Variants in ELOVL6 observed in about 807,000 individuals in gnomAD.
The protein encoded by ELOVL6 is ELOVL fatty acid elongase 6, also known as very long chain fatty acid elongase 6.
Under a neutral mutation model 31.7 loss-of-function variants are expected in ELOVL6, and 8 were observed. That is an observed-to-expected ratio of 0.25 (90% confidence interval 0.15 to 0.45). The LOEUF (loss-of-function observed/expected upper bound fraction) is 0.45, where lower values mean the gene tolerates loss of function less well. Ranked by LOEUF, ELOVL6 falls within the 20% of genes least tolerant of loss-of-function variation. The pLI is 1.00. For missense variants in ELOVL6, 126 were observed against 326.4 expected (o/e 0.39, Z 4.73); for synonymous variants, 101 against 117.7 (o/e 0.86, Z 0.92).
chr4:110,166,387 T>G (rs1280524485), intron 1 of ELOVL6, among the ~76,000 whole-genome samples: 1 of 152,022 alleles, frequency 6.6e-6, no homozygotes, highest in African/African-American at 2.4e-5. Context: ...CCAAGGCAGG[T>G]GGATCACGAG....
intron 1 of ELOVL6, among the ~76,000 whole-genome samples, chr4:110,120,980 T>C (rs1757340202): frequency 6.6e-6 from 1 of 152,054 alleles, no homozygotes; most frequent in South Asian, 2.1e-4. Flanking sequence ...TTCGTATTTT[T>C]AGTAGAGACA....
chr4:110,114,302 A>G (rs1757116594), intron 1 of ELOVL6, among the ~76,000 whole-genome samples: 1 of 152,116 alleles, frequency 6.6e-6, no homozygotes. Context: ...TTACACAAAT[A>G]CAATTATGGG....
At position 110,059,685 on chromosome 4, in the gene ELOVL6, T is replaced by G. The variant is rs376849709; in HGVS notation, c.291A>C (p.Ser97=). 3.1e-6 allele frequency: 5 copies of G among 1,614,022 alleles called. No homozygotes were observed. The African/African-American group carries it at 6.7e-5, about 22-fold the overall frequency. The change falls in exon 3 of 4, where the codon TCA becomes TCC. Residue 97 remains serine, a synonymous_variant. Transcript: ENST00000302274. ...YILMTKGLKQ[S]VCDQGFYNGP... ...CATTGTAAAAACCCTGGTCACAAACTGACTGCTTCAGGCCTTTGGTCATCA... is the reference window on the plus strand; with the variant it reads ...CATTGTAAAAACCCTGGTCACAAACGGACTGCTTCAGGCCTTTGGTCATCA...
At chr4:110,169,171 T>C (rs1485296335) in intron 1 of ELOVL6, among the ~76,000 whole-genome samples, 3 of 150,906 alleles carry the variant, frequency 2.0e-5, no homozygotes, top group Non-Finnish European at 4.4e-5. Context: ...CACCTTGGCC[T>C]CCCAAAGTGC....
chr4:110,198,074 ACC>A (rs10572708), intron 1 of ELOVL6, 171 bp downstream of exon 1: 139,874 of 416,026 alleles, frequency 0.34, 16,384 homozygotes, highest in African/African-American at 0.41. Flanking sequence ...CGCTTCATGT[ACC>A]CCCCCCCCCC....
intron 2 of ELOVL6, among the ~76,000 whole-genome samples, chr4:110,094,445 T>TATA (rs1560820750): frequency 0.062 from 2,909 of 46,782 alleles, 90 homozygotes; most frequent in East Asian, 0.093. Context: ...ATATATATAA[T>TATA]ATATATAACA....
At chr4:110,107,495 T>C (rs1756920779) in intron 1 of ELOVL6, among the ~76,000 whole-genome samples, 1 of 152,226 alleles carries the variant, frequency 6.6e-6, no homozygotes, top group South Asian at 2.1e-4. Flanking sequence ...CAGAAAAATA[T>C]TATGATACAT....
chr4:110,084,443 A>ATATCACATATATGATATGTATGATG (rs1756145063), intron 2 of ELOVL6, among the ~76,000 whole-genome samples: 1 of 124,410 alleles, frequency 8.0e-6, no homozygotes, highest in Non-Finnish European at 1.6e-5. Flanking sequence ...CATATATGAT[A>ATATCACATATATGATATGTATGATG]TATCGCATAT....
At chr4:110,138,846 C>T (rs908092919) in intron 1 of ELOVL6, among the ~76,000 whole-genome samples, 1 of 152,074 alleles carries the variant, frequency 6.6e-6, no homozygotes, top group South Asian at 2.1e-4. Flanking sequence ...AAAATGATTA[C>T]AGATTAAACA....
At chr4:110,138,775 T>C (rs576166174) in intron 1 of ELOVL6, among the ~76,000 whole-genome samples, 9 of 152,256 alleles carry the variant, frequency 5.9e-5, no homozygotes, top group African/African-American at 1.9e-4. Context: ...AGCTCTTAAG[T>C]GTGTCCTCAG....
At chr4:110,122,739 A>G (rs1289453969) in intron 1 of ELOVL6, among the ~76,000 whole-genome samples, 5 of 152,218 alleles carry the variant, frequency 3.3e-5, no homozygotes, top group Non-Finnish European at 5.9e-5. Context: ...GAATCATGTC[A>G]TAACTTTCCC....
At chr4:110,077,052 T>C (rs1443968816) in intron 2 of ELOVL6, among the ~76,000 whole-genome samples, 2 of 152,186 alleles carry the variant, frequency 1.3e-5, no homozygotes, top group Admixed American at 1.3e-4. Context: ...GCGCCTGCCA[T>C]TGCTGAGGCT....
chr4:110,055,525 G>T (rs1419634687), intron 3 of ELOVL6, among the ~76,000 whole-genome samples: 1 of 152,184 alleles, frequency 6.6e-6, no homozygotes, highest in Non-Finnish European at 1.5e-5. Context: ...GGCAGGGCAT[G>T]TTGTTCCTTA....
intron 2 of ELOVL6, among the ~76,000 whole-genome samples, chr4:110,070,029 G>C (rs570865318): frequency 1.3e-5 from 2 of 152,308 alleles, no homozygotes; most frequent in East Asian, 3.9e-4. Flanking sequence ...TCCTAGATGA[G>C]AACCCTTCTC....
chr4:110,153,565 T>A (rs550211704), intron 1 of ELOVL6, among the ~76,000 whole-genome samples: 32 of 152,246 alleles, frequency 2.1e-4, no homozygotes, highest in South Asian at 4.2e-4. Context: ...GTAAAAAAAA[T>A]TATAGCCAAT....
At chr4:110,117,880 T>C (rs1578493375) in intron 1 of ELOVL6, 1 of 528 alleles carries the variant, frequency 1.9e-3, no homozygotes, top group Non-Finnish European at 3.0e-3. Context: ...AGACTCTGTC[T>C]CAAAAAAAAA....
At chr4:110,154,377 T>C (rs754902059) in intron 1 of ELOVL6, among the ~76,000 whole-genome samples, 1 of 152,146 alleles carries the variant, frequency 6.6e-6, no homozygotes, top group Non-Finnish European at 1.5e-5. Context: ...TGCCTCAGCC[T>C]CCGAGCAGCT....
At chr4:110,091,970 G>A (rs1756439950) in intron 2 of ELOVL6, among the ~76,000 whole-genome samples, 2 of 152,146 alleles carry the variant, frequency 1.3e-5, no homozygotes, top group Admixed American at 6.6e-5. Flanking sequence ...TGAATACAGT[G>A]AGGATTGCTT....
chr4:110,196,721 CT>C (rs1467100152), intron 1 of ELOVL6, among the ~76,000 whole-genome samples: 18 of 152,100 alleles, frequency 1.2e-4, no homozygotes, highest in Non-Finnish European at 2.4e-4. Flanking sequence ...CCTTGGGCCC[CT>C]AGCCCACCGC....
Sources: gnomAD v4.1 joint callset for allele counts (sites outside exome capture counted in the v4.1 genomes callset) on GRCh38, gnomAD v4.1.1 for gene constraint, MANE v1.5 for transcripts, NCBI Gene and HGNC (gene_info 2026-07-23, HGNC 2026-07-21) for gene names.